FSTL5: variants seen among roughly 807,000 people sequenced by gnomAD.
FSTL5 encodes follistatin like 5, also known as follistatin-related protein 5.
Under a neutral mutation model 89.1 loss-of-function variants are expected in FSTL5, and 62 were observed. That is an observed-to-expected ratio of 0.70 (90% CI 0.57 to 0.86). The LOEUF (loss-of-function observed/expected upper bound fraction) is 0.86, where lower values mean the gene tolerates loss of function less well. Ranked by LOEUF, FSTL5 falls within the 40% of genes least tolerant of loss-of-function variation. The pLI is 0.00. For synonymous variants in FSTL5, 383 were observed against 346.2 expected (o/e 1.11, Z -1.18); for missense variants, 1,057 against 1,001.6 (o/e 1.06, Z -0.75).
Position 161,704,032 on chromosome 4 carries a change from C to A in FSTL5, c.728-47538G>T, listed in dbSNP as rs184882914. Among the ~76,000 whole-genome samples, 472 of 152,206 alleles carry A rather than the reference C, an allele frequency of 3.1e-3. 3 individuals carry two copies. Among genetic ancestry groups the A allele is most frequent in the African/African-American group, 0.011 (456 of 41,532 alleles). On this transcript the variant is annotated intron_variant, in intron 6 of 15. Transcript: ENST00000306100. ...TGTGAAATAAAAATAAATCTTGGGT[C>A]CCCCAAACCACTAAGCTAAAGGGAA...
chr4:161,514,732 A>G (rs746338220), intron 10 of FSTL5, among the ~76,000 whole-genome samples: 4 of 152,182 alleles, frequency 2.6e-5, no homozygotes, highest in Non-Finnish European at 5.9e-5. Flanking sequence ...TATAAATTGT[A>G]TAAATAGTAT....
chr4:161,763,179 G>T (rs1041596309), intron 5 of FSTL5, among the ~76,000 whole-genome samples: 1 of 152,026 alleles, frequency 6.6e-6, no homozygotes, highest in Non-Finnish European at 1.5e-5. Context: ...TATGTGTCAG[G>T]CATTGTCCAA....
intron 4 of FSTL5, among the ~76,000 whole-genome samples, chr4:161,836,759 T>A (rs1027394642): frequency 1.3e-5 from 2 of 152,072 alleles, no homozygotes; most frequent in Admixed American, 6.6e-5. Flanking sequence ...ATAAATTTTT[T>A]AAATATTAAA....
At chr4:161,414,888 A>T (rs904023947) in intron 15 of FSTL5, among the ~76,000 whole-genome samples, 15 of 152,164 alleles carry the variant, frequency 9.9e-5, no homozygotes, top group Non-Finnish European at 1.8e-4. Flanking sequence ...CCTATGTCTT[A>T]GTTTGTGACA....
At chr4:161,573,733 C>CAAAAAAAAAAAA (rs70937664) in intron 8 of FSTL5, among the ~76,000 whole-genome samples, 2 of 50,620 alleles carry the variant, frequency 4.0e-5, no homozygotes, top group Non-Finnish European at 6.8e-5. Context: ...AACTCCAGCT[C>CAAAAAAAAAAAA]AAAAAAAAAA....
intron 5 of FSTL5, among the ~76,000 whole-genome samples, chr4:161,764,626 T>TAG (rs1740926127): frequency 6.8e-6 from 1 of 146,660 alleles, no homozygotes; most frequent in Admixed American, 6.8e-5. Context: ...CTAAAGTGCC[T>TAG]AATATAACAT....
chr4:161,838,912 T>C (rs186562595), intron 4 of FSTL5, among the ~76,000 whole-genome samples: 30 of 141,744 alleles, frequency 2.1e-4, no homozygotes, highest in African/African-American at 7.3e-4. Context: ...TTATTAAACA[T>C]AAAATATATA....
intron 7 of FSTL5, among the ~76,000 whole-genome samples, chr4:161,625,416 T>C (rs1309927927): frequency 3.3e-5 from 5 of 152,240 alleles, no homozygotes; most frequent in African/African-American, 9.6e-5. Context: ...TCAGTTATCA[T>C]TGATGTTAAT....
In FSTL5 at chr4:162,000,913, G is replaced by A. The variant is rs1042216647; in HGVS notation, c.160+32712C>T. On this transcript the variant is annotated intron_variant, in intron 3 of 15. Coordinates refer to ENST00000306100, the MANE Select transcript of FSTL5 (RefSeq NM_020116.5). ...TGGAGGGAAGAGGGAGGGAAGGAAT[G>A]CCTGGAAAATTTGCCAAGGTATTAA... 4.6e-5 allele frequency among the ~76,000 whole-genome samples: 7 copies of A among 151,926 alleles called. 1 individual carries two copies. The highest frequency in any genetic ancestry group is 4.6e-4 in the Admixed American group (7 of 15,246).
At chr4:161,482,844 T>C (rs1369050930) in intron 12 of FSTL5, among the ~76,000 whole-genome samples, 1 of 152,216 alleles carries the variant, frequency 6.6e-6, no homozygotes, top group Non-Finnish European at 1.5e-5. Flanking sequence ...CCATTAATTT[T>C]TAAGATCTGG....
chr4:161,459,178 T>C (rs751312073), intron 14 of FSTL5, 34 bp downstream of exon 14: 1 of 1,189,730 alleles, frequency 8.4e-7, no homozygotes, highest in East Asian at 2.3e-5. Context: ...CTTTAAAGAT[T>C]GTTATTTTCT....
At chr4:161,544,128 G>T (rs866229294) in intron 8 of FSTL5, among the ~76,000 whole-genome samples, 1 of 151,598 alleles carries the variant, frequency 6.6e-6, no homozygotes, top group Non-Finnish European at 1.5e-5. Context: ...CATATGAAAA[G>T]ATTAAAAAAT....
At chr4:162,079,997 G>A (rs1356208139) in intron 2 of FSTL5, among the ~76,000 whole-genome samples, 1 of 151,354 alleles carries the variant, frequency 6.6e-6, no homozygotes, top group Non-Finnish European at 1.5e-5. Context: ...TTGCCTGAAG[G>A]TACTACAAAT....
chr4:162,056,299 T>G (rs1738540054), intron 2 of FSTL5, among the ~76,000 whole-genome samples: 1 of 152,058 alleles, frequency 6.6e-6, no homozygotes, highest in Admixed American at 6.5e-5. Context: ...GCTGATGATT[T>G]TCATCAGATG....
chr4:161,770,972 T>A (rs748430243), intron 5 of FSTL5, among the ~76,000 whole-genome samples: 32 of 152,008 alleles, frequency 2.1e-4, no homozygotes, highest in African/African-American at 7.2e-4. Context: ...GCTCCTTAAA[T>A]GAGATGAACA....
At chr4:161,833,683 A>C (rs1196587491) in intron 4 of FSTL5, among the ~76,000 whole-genome samples, 3 of 151,874 alleles carry the variant, frequency 2.0e-5, no homozygotes, top group Admixed American at 6.6e-5. Flanking sequence ...AGTCTGTTTT[A>C]TCAGAGACTA....
Position 161,578,395 on chromosome 4 carries a change from C to A in FSTL5, c.1015+9060G>T, listed in dbSNP as rs115705811. Among the ~76,000 whole-genome samples, 940 of 151,594 alleles carry A rather than the reference C, an allele frequency of 6.2e-3. 11 individuals carry two copies. The highest frequency in any genetic ancestry group is 0.022 in the African/African-American group (892 of 41,344). On this transcript the variant is annotated intron_variant, in intron 8 of 15. Coordinates refer to ENST00000306100, the MANE Select transcript of FSTL5 (RefSeq NM_020116.5). ...AAAAAATGTGACCTTAAAGTCAGAG[C>A]ATAAAAACTATTGAAAGTGAAGTAC...
chr4:161,423,500 T>C (rs563450525), intron 15 of FSTL5, among the ~76,000 whole-genome samples: 1 of 152,326 alleles, frequency 6.6e-6, no homozygotes, highest in South Asian at 2.1e-4. Context: ...TCTCTGATAA[T>C]TCTCTTATGC....
intron 4 of FSTL5, among the ~76,000 whole-genome samples, chr4:161,881,885 C>T (rs1296908686): frequency 1.3e-5 from 2 of 152,070 alleles, no homozygotes; most frequent in Non-Finnish European, 2.9e-5. Flanking sequence ...GCCTGATTCA[C>T]TGATTCTCTT....
Sources: allele counts gnomAD v4.1 joint callset (sites outside exome capture counted in the v4.1 genomes callset), GRCh38; gene constraint gnomAD v4.1.1; transcripts MANE v1.5; gene names NCBI Gene and HGNC (gene_info 2026-07-23, HGNC 2026-07-21).